Variants in PCGF3 observed in about 807,000 individuals in gnomAD.
PCGF3 encodes polycomb group RING finger protein 3.
PCGF3 carries 7 observed loss-of-function variants against 33.1 expected under a neutral mutation model. That is an observed-to-expected ratio of 0.21 (90% CI 0.12 to 0.40). The LOEUF is 0.40. Ranked by LOEUF, PCGF3 falls within the 10% of genes least tolerant of loss-of-function variation. The pLI, the probability that PCGF3 is intolerant of heterozygous loss-of-function variation, is 1.00. For missense variants in PCGF3, 211 were observed against 313.3 expected (o/e 0.67, Z 2.46); for synonymous variants, 153 against 121.3 (o/e 1.26, Z -1.72).
intron 1 of PCGF3, among the ~76,000 whole-genome samples, chr4:711,969 A>T (rs201547009): frequency 0.15 from 15 of 102 alleles, no homozygotes; most frequent in South Asian, 0.5. Flanking sequence ...AATAAAAAGT[A>T]AAAAAAAAAA....
At chr4:726,241 T>C (rs1007216109) in intron 1 of PCGF3, among the ~76,000 whole-genome samples, 1 of 152,288 alleles carries the variant, frequency 6.6e-6, no homozygotes, top group Non-Finnish European at 1.5e-5. Flanking sequence ...AAAACATGCT[T>C]GTTTGAAATT....
chr4:733,620 T>G, intron 3 of PCGF3, 52 bp from the exon 4 acceptor site: 1 of 1,548,944 alleles, frequency 6.5e-7, no homozygotes, highest in Admixed American at 1.8e-5. Context: ...CAGCCAAGGA[T>G]GAAAGGCATG....
In PCGF3 at chr4:722,494, G is replaced by A. The variant is rs1188349423; in HGVS notation, c.-189-8136G>A. On this transcript the variant is annotated intron_variant, in intron 1 of 10. Transcript: ENST00000362003. ...AGGCATCAGAGACACATCCATTCACGTCGGGGCTGTGTCCGCGCCGGGTCC... is the reference window on the plus strand; with the variant it reads ...AGGCATCAGAGACACATCCATTCACATCGGGGCTGTGTCCGCGCCGGGTCC... 2.3e-5 allele frequency: 6 copies of A among 264,436 alleles called. No homozygotes were observed. The East Asian group carries it at 7.5e-4, about 33-fold the overall frequency. 16.4% of individuals were successfully genotyped at this position (264,436 alleles called of 1,614,324 possible).
chr4:761,243 C>T (rs766940933), intron 8 of PCGF3, 36 bp from the exon 9 acceptor site: 13 of 1,538,860 alleles, frequency 8.4e-6, no homozygotes, highest in South Asian at 1.2e-5. Flanking sequence ...CGGGGGAACC[C>T]TCCTGCTGCG....
chr4:720,922 C>T lies in PCGF3; in HGVS notation c.-189-9708C>T, dbSNP rs971487217. ...CGAGGGCGGCTTGGAGAAGCCTGTC[C>T]TGGGCGGGTTTCACCACTTGGACGG... On this transcript the variant is annotated intron_variant, in intron 1 of 10. Transcript: ENST00000362003. This position sits in a 1 kb window ranked among gnomAD's most constrained non-coding sequence, Gnocchi z 5.6. 4.6e-5 allele frequency among the ~76,000 whole-genome samples: 7 copies of T among 152,122 alleles called. No homozygotes were observed. The South Asian group carries it at 6.2e-4, about 14-fold the overall frequency.
chr4:754,222 C>T (rs1248997117), intron 8 of PCGF3, among the ~76,000 whole-genome samples: 3 of 152,328 alleles, frequency 2.0e-5, no homozygotes, highest in East Asian at 1.9e-4. Flanking sequence ...GTCCCTGCCG[C>T]CCTCCAGAGG....
intron 6 of PCGF3, among the ~76,000 whole-genome samples, chr4:742,485 G>T (rs1367713457): frequency 6.6e-6 from 1 of 152,212 alleles, no homozygotes; most frequent in Non-Finnish European, 1.5e-5. Context: ...TGATGTCTGG[G>T]TTGCGGTTTG....
chr4:757,704 T>G (rs1262622803), intron 8 of PCGF3: 3 of 152,228 alleles, frequency 2.0e-5, no homozygotes, highest in African/African-American at 7.2e-5. Context: ...TGCTTTATTT[T>G]TTTATTTTGC....
chr4:719,325 T>C (rs1742981652), intron 1 of PCGF3, among the ~76,000 whole-genome samples: 1 of 152,350 alleles, frequency 6.6e-6, no homozygotes, highest in African/African-American at 2.4e-5. Context: ...TCCGTTTTCC[T>C]CCTAACCTGG....
At chr4:758,039 G>A (rs758801023) in intron 8 of PCGF3, among the ~76,000 whole-genome samples, 2 of 151,768 alleles carry the variant, frequency 1.3e-5, no homozygotes, top group Non-Finnish European at 2.9e-5. Context: ...ATGATGGTGC[G>A]CGCCTGTAGT....
rs919963230 is a variant in PCGF3 at position 734,326 on chromosome 4, C to G, written c.109+537C>G. Reference sequence around the variant, plus strand: ...AACCTGAGGCCCCATGGCTGGCGGCCCTGCTGGTGTGGACGACCGCTGTGT... The same window carrying G: ...AACCTGAGGCCCCATGGCTGGCGGCGCTGCTGGTGTGGACGACCGCTGTGT... On this transcript the variant is annotated intron_variant, in intron 4 of 10. Transcript: ENST00000362003. 3 of 1,442,336 alleles carry G rather than the reference C, an allele frequency of 2.1e-6. No homozygotes were observed. The African/African-American group carries it at 4.3e-5, about 21-fold the overall frequency. 89.3% of individuals were successfully genotyped at this position (1,442,336 alleles called of 1,614,324 possible). A position where few individuals can be genotyped will look rare whatever the true frequency, so the allele number is the denominator to read the frequency against.
intron 8 of PCGF3, among the ~76,000 whole-genome samples, chr4:751,475 C>T (rs769480257): frequency 6.6e-6 from 1 of 152,152 alleles, no homozygotes; most frequent in Admixed American, 6.5e-5. Context: ...GAGCCCAGTG[C>T]GGTGGCCCCT....
In PCGF3 at chr4:721,252, T is replaced by G. The variant is rs1418219422; in HGVS notation, c.-189-9378T>G. Among the ~76,000 whole-genome samples the G allele has an allele frequency of 6.6e-6, 1 of 152,184 alleles. No homozygotes were observed. Among genetic ancestry groups the G allele is most frequent in the Non-Finnish European group, 1.5e-5 (1 of 68,018 alleles). ...CGGTGGCACAGGACACGCCTGCAGC[T>G]TTGTGCCTGTGAATCTCAGGAGCTG... On this transcript the variant is annotated intron_variant, in intron 1 of 10. Transcript: ENST00000362003. The surrounding 1 kb of genome is among the most constrained non-coding windows in gnomAD (Gnocchi z 4.1).
intron 6 of PCGF3, among the ~76,000 whole-genome samples, chr4:740,269 G>T (rs77128777): frequency 6.6e-6 from 1 of 152,258 alleles, no homozygotes; most frequent in African/African-American, 2.4e-5. Context: ...GGCCCTCAAC[G>T]CTGTCCCCGC....
At position 757,296 on chromosome 4, in the gene PCGF3, C is replaced by G. The variant is rs559164785; in HGVS notation, c.463-3983C>G. 1.4e-4 allele frequency: 22 copies of G among 152,392 alleles called. 1 individual carries two copies. Among genetic ancestry groups the G allele is most frequent in the Admixed American group, 1.3e-3 (20 of 15,312 alleles). The allele number at this position is 152,392 out of a possible 1,614,324, so 9.4% of individuals were successfully genotyped here. ...CACTGCAGACCCCGCTGCCTCAGAC[C>G]TGTGCCTGCGTGGCTGGCACACCTG... is the stretch of plus-strand genomic sequence containing the variant. On this transcript the variant is annotated intron_variant, in intron 8 of 10. Transcript: ENST00000362003.
In PCGF3 at chr4:714,908, G is replaced by A. The variant is rs185928914; in HGVS notation, c.-190+8938G>A. The stretch of plus-strand genomic sequence containing the variant: ...TATGTCAGTAACAGAACTGGGCGTC[G>A]GTTCTGGGACCCTGTAGACACTGAG... On this transcript the variant is annotated intron_variant, in intron 1 of 10. Transcript: ENST00000362003. Among the ~76,000 whole-genome samples, 11 of 152,280 alleles carry A rather than the reference G, an allele frequency of 7.2e-5. No individual in the cohort carries two copies. In the East Asian group the frequency reaches 1.5e-3, roughly 21 times the overall value.
intron 5 of PCGF3, among the ~76,000 whole-genome samples, chr4:735,518 C>T (rs558290180): frequency 5.3e-5 from 8 of 149,874 alleles, no homozygotes; most frequent in African/African-American, 2.0e-4. Context: ...TGCACTCCAG[C>T]CTGGCGACAG....
intron 1 of PCGF3, among the ~76,000 whole-genome samples, chr4:711,403 T>G (rs1332750722): frequency 2.0e-5 from 3 of 152,210 alleles, no homozygotes; most frequent in South Asian, 2.1e-4. Context: ...AGCCTTATTT[T>G]TGGTTAATGG....
At chr4:712,294 A>G (rs1263376173) in intron 1 of PCGF3, among the ~76,000 whole-genome samples, 1 of 152,232 alleles carries the variant, frequency 6.6e-6, no homozygotes, top group Non-Finnish European at 1.5e-5. Context: ...GCCTAGGTGC[A>G]TTTTTGTAGA....
Sources: allele counts gnomAD v4.1 joint callset (sites outside exome capture counted in the v4.1 genomes callset), GRCh38; gene constraint gnomAD v4.1.1; non-coding constraint Gnocchi (gnomAD v3.1); transcripts MANE v1.5; gene names NCBI Gene and HGNC (gene_info 2026-07-23, HGNC 2026-07-21).